Variants in NR3C2 observed in about 807,000 individuals in gnomAD.
NR3C2 encodes the protein nuclear receptor subfamily 3 group C member 2.
NR3C2 carries 15 observed loss-of-function variants against 86.4 expected under a neutral mutation model. The observed-to-expected ratio is 0.17, with a 90% CI of 0.12 to 0.27. NR3C2 has a LOEUF of 0.27. Ranked by LOEUF, NR3C2 falls within the 10% of genes least tolerant of loss-of-function variation. The pLI is 1.00. For missense variants in NR3C2, 960 were observed against 1,195.6 expected (o/e 0.80, Z 2.91); for synonymous variants, 458 against 450.5 (o/e 1.02, Z -0.21).
intron 2 of NR3C2, among the ~76,000 whole-genome samples, chr4:148,285,878 T>C (rs1017628438): frequency 6.6e-6 from 1 of 152,230 alleles, no homozygotes; most frequent in Non-Finnish European, 1.5e-5. Flanking sequence ...AATGTTCTAT[T>C]TCACATATGT....
intron 3 of NR3C2, among the ~76,000 whole-genome samples, chr4:148,235,262 T>TTTTA (rs1553999667): frequency 1.4e-5 from 2 of 143,720 alleles, no homozygotes; most frequent in Non-Finnish European, 3.1e-5. Context: ...TAAGTGGCAA[T>TTTTA]TATATATATA....
chr4:148,221,894 A>T (rs994991303), intron 3 of NR3C2, among the ~76,000 whole-genome samples: 7 of 27,678 alleles, frequency 2.5e-4, no homozygotes, highest in African/African-American at 1.3e-3. Flanking sequence ...ACTCTGTCTT[A>T]AAAAAAAAAA....
At chr4:148,388,505 A>C (rs1315902977) in intron 2 of NR3C2, among the ~76,000 whole-genome samples, 2 of 152,194 alleles carry the variant, frequency 1.3e-5, no homozygotes, top group Non-Finnish European at 2.9e-5. Context: ...CCTAAGTTAT[A>C]AATTATGAAC....
chr4:148,103,144 G>A (rs1429241741), intron 8 of NR3C2, among the ~76,000 whole-genome samples: 4 of 152,118 alleles, frequency 2.6e-5, no homozygotes, highest in Admixed American at 6.5e-5. Context: ...CTTTTGGGTC[G>A]CAGCTAAGCA....
intron 3 of NR3C2, among the ~76,000 whole-genome samples, chr4:148,247,262 C>T (rs771128752): frequency 8.5e-5 from 13 of 152,142 alleles, no homozygotes; most frequent in African/African-American, 2.2e-4. Flanking sequence ...AATGTGTTAA[C>T]GGCTCAATAG....
chr4:148,291,147 A>G (rs1369864563), intron 2 of NR3C2, among the ~76,000 whole-genome samples: 1 of 152,068 alleles, frequency 6.6e-6, no homozygotes, highest in Non-Finnish European at 1.5e-5. Flanking sequence ...AATGATCCAC[A>G]TTATTTAAAG....
intron 2 of NR3C2, among the ~76,000 whole-genome samples, chr4:148,347,330 T>C (rs1325804617): frequency 2.0e-5 from 3 of 151,880 alleles, no homozygotes; most frequent in African/African-American, 4.8e-5. Context: ...CCAGAAATGT[T>C]CCTCCAGTAT....
chr4:148,158,265 A>G (rs1734494509), intron 4 of NR3C2, among the ~76,000 whole-genome samples: 1 of 152,200 alleles, frequency 6.6e-6, no homozygotes, highest in Non-Finnish European at 1.5e-5. Context: ...ACAGAAAAGA[A>G]CAAAGCACCC....
At chr4:148,145,812 A>T (rs960144562) in intron 6 of NR3C2, among the ~76,000 whole-genome samples, 3 of 152,136 alleles carry the variant, frequency 2.0e-5, no homozygotes, top group Non-Finnish European at 4.4e-5. Flanking sequence ...TTTAAACTTT[A>T]TTCCCTCATA....
chr4:148,228,911 G>A (rs867292729), intron 3 of NR3C2, among the ~76,000 whole-genome samples: 1 of 152,058 alleles, frequency 6.6e-6, no homozygotes, highest in African/African-American at 2.4e-5. Context: ...CAAACTATCC[G>A]CAGGAAAGAA....
chr4:148,169,439 A>T (rs574450076), intron 4 of NR3C2, among the ~76,000 whole-genome samples: 16 of 152,092 alleles, frequency 1.1e-4, no homozygotes, highest in African/African-American at 3.4e-4. Context: ...TTGGGAAAGG[A>T]ACCCTGTAAG....
At chr4:148,084,381 A>C (rs1298100085) in intron 8 of NR3C2, among the ~76,000 whole-genome samples, 2 of 152,218 alleles carry the variant, frequency 1.3e-5, no homozygotes, top group Non-Finnish European at 2.9e-5. Flanking sequence ...TTCTTAAAAG[A>C]ATTTTCAACC....
intron 2 of NR3C2, among the ~76,000 whole-genome samples, chr4:148,293,840 CAGAAACA>C (rs1741910436): frequency 6.6e-6 from 1 of 152,122 alleles, no homozygotes; most frequent in Non-Finnish European, 1.5e-5. Context: ...AAAGTCTTCC[CAGAAACA>C]AGATTTACCA....
At chr4:148,154,214 G>A (rs1173646963) in intron 5 of NR3C2, among the ~76,000 whole-genome samples, 2 of 151,986 alleles carry the variant, frequency 1.3e-5, no homozygotes, top group Non-Finnish European at 2.9e-5. Context: ...TCACCATCTT[G>A]GCTAGGCTGG....
intron 2 of NR3C2, among the ~76,000 whole-genome samples, chr4:148,403,264 G>T (rs1488522082): frequency 6.6e-6 from 1 of 151,866 alleles, no homozygotes; most frequent in African/African-American, 2.4e-5. Flanking sequence ...AACACATATT[G>T]GATGCTGAAA....
intron 6 of NR3C2, among the ~76,000 whole-genome samples, chr4:148,134,601 C>CTTAAAAGTG (rs1264266699): frequency 2.5e-4 from 36 of 146,212 alleles, no homozygotes; most frequent in African/African-American, 9.1e-4. Flanking sequence ...AGGACAACAC[C>CTTAAAAGTG]TTAAAAGTGT....
chr4:148,165,660 G>T (rs1003664693), intron 4 of NR3C2, among the ~76,000 whole-genome samples: 2 of 152,006 alleles, frequency 1.3e-5, no homozygotes. Flanking sequence ...CTAATGCTGC[G>T]ATTATAACTG....
chr4:148,130,794 T>TTTTG (rs1560936807), intron 6 of NR3C2, among the ~76,000 whole-genome samples: 39 of 114,306 alleles, frequency 3.4e-4, no homozygotes, highest in Non-Finnish European at 4.0e-4. Flanking sequence ...CACGTTTTTT[T>TTTTG]TTTTGTTTTG....
At position 148,118,694 on chromosome 4, in the gene NR3C2, G is replaced by A. The variant is rs190535071; in HGVS notation, c.2641+1464C>T. 9.2e-5 allele frequency among the ~76,000 whole-genome samples: 14 copies of A among 152,134 alleles called. No homozygotes were observed. In the East Asian group the frequency reaches 2.1e-3, roughly 23 times the overall value. On this transcript the variant is annotated intron_variant, in intron 7 of 8. Transcript: ENST00000358102. ...ATCCAAAACAGCACTCATTTTACAC[G>A]CCACACAATCTGCTCCAAGTCCTGA...
Sources: allele counts gnomAD v4.1 joint callset (sites outside exome capture counted in the v4.1 genomes callset), GRCh38; gene constraint gnomAD v4.1.1; transcripts MANE v1.5; gene names NCBI Gene and HGNC (gene_info 2026-07-23, HGNC 2026-07-21).